The following LRMDA variants were observed in gnomAD, a reference collection of about 807,000 sequenced individuals.
The protein encoded by LRMDA is leucine rich melanocyte differentiation associated.
In LRMDA, 18 loss-of-function variants were observed where a neutral mutation model predicts 29.8. That is an observed-to-expected ratio of 0.60 (90% CI 0.42 to 0.90). The LOEUF is 0.90. LRMDA is among the 40% of genes least tolerant of loss of function. The probability of loss-of-function intolerance (pLI) is 0.00; values close to 1 mark genes in which losing one functional copy is unlikely to be tolerated. For synonymous variants in LRMDA, 125 were observed against 109.4 expected (o/e 1.14, Z -0.89); for missense variants, 273 against 273.9 (o/e 1.00, Z 0.02).
At chr10:75,826,618 T>C (rs1844250790) in intron 2 of LRMDA, among the ~76,000 whole-genome samples, 1 of 152,222 alleles carries the variant, frequency 6.6e-6, no homozygotes, top group Non-Finnish European at 1.5e-5. Flanking sequence ...GCAGCAGTTT[T>C]ATATGTGGGC....
At chr10:75,792,132 G>A (rs1056573444) in intron 2 of LRMDA, among the ~76,000 whole-genome samples, 4 of 151,970 alleles carry the variant, frequency 2.6e-5, no homozygotes, top group East Asian at 1.9e-4. Flanking sequence ...TGCTGCGGGC[G>A]TGAGCCACCT....
At chr10:76,229,409 A>G (rs1221750753) in intron 5 of LRMDA, among the ~76,000 whole-genome samples, 1 of 152,230 alleles carries the variant, frequency 6.6e-6, no homozygotes, top group Non-Finnish European at 1.5e-5. Context: ...CATCAAGAAC[A>G]GATGATGTCC....
rs989847278 is a variant in LRMDA at position 76,091,321 on chromosome 10, G to A, written c.516+32538G>A. On this transcript the variant is annotated intron_variant, in intron 5 of 6. Transcript: ENST00000611255. ...TGTGTGTGTGTGTGTGTGTGTGTCT[G>A]TGTGTAAAATCTTTGTATACATGGT... 2.1e-5 allele frequency among the ~76,000 whole-genome samples: 3 copies of A among 145,332 alleles called. No homozygotes were observed. The Admixed American group carries it at 2.1e-4, about 10-fold the overall frequency.
intron 2 of LRMDA, among the ~76,000 whole-genome samples, chr10:75,536,532 A>ATGTGTG (rs1839950192): frequency 6.6e-6 from 1 of 152,070 alleles, no homozygotes; most frequent in Non-Finnish European, 1.5e-5. Context: ...TTTGGGGTAT[A>ATGTGTG]TGTGTTCCTG....
At chr10:76,141,951 G>A (rs1850209915) in intron 5 of LRMDA, among the ~76,000 whole-genome samples, 1 of 152,000 alleles carries the variant, frequency 6.6e-6, no homozygotes, top group Non-Finnish European at 1.5e-5. Flanking sequence ...TTTGAATCGT[G>A]GATGCATTTA....
rs5786188 is a variant in LRMDA, at chr10:75,791,856, C to CTT, written c.132-244132_132-244131dup. Among the ~76,000 whole-genome samples, 374 of 102,052 alleles carry CTT rather than the reference C, an allele frequency of 3.7e-3. 7 individuals are homozygous for CTT. The highest frequency in any genetic ancestry group is 5.1e-3 in the South Asian group (12 of 2,342). 67.0% of individuals were successfully genotyped at this position (102,052 alleles called of 152,430 possible). On this transcript the variant is annotated intron_variant, in intron 2 of 6. Transcript: ENST00000611255. Reference sequence around the variant, plus strand: ...CAAGTTGATTTTGGGATTCCAGGATCTTTTTTTTTTTTTTTTTTTTTGAGA... The same window carrying CTT: ...CAAGTTGATTTTGGGATTCCAGGATCTTTTTTTTTTTTTTTTTTTTTTTGAGA...
At chr10:75,943,189 AG>A (rs1846424374) in intron 2 of LRMDA, among the ~76,000 whole-genome samples, 1 of 151,174 alleles carries the variant, frequency 6.6e-6, no homozygotes, top group Non-Finnish European at 1.5e-5. Context: ...AAGGACTATG[AG>A]ATAGAATCTT....
At chr10:76,193,142 C>T (rs768624235) in intron 5 of LRMDA, among the ~76,000 whole-genome samples, 5 of 152,186 alleles carry the variant, frequency 3.3e-5, no homozygotes, top group East Asian at 1.9e-4. Context: ...GTACATGTGT[C>T]GGAGTTTCCT....
rs186986196 is a variant in LRMDA, at chr10:76,218,878, C to T, written c.517-105523C>T. Among the ~76,000 whole-genome samples the T allele has an allele frequency of 2.8e-3, 420 of 152,296 alleles. 3 individuals are homozygous for T. Among genetic ancestry groups the T allele is most frequent in the Middle Eastern group, 0.01 (3 of 294 alleles). ...CTTGTGGGTTGGTGTTAGACACAGT[C>T]CCATGGGGAGCAGCCAGTGTGATAG... On this transcript the variant is annotated intron_variant, in intron 5 of 6. Coordinates refer to ENST00000611255, the MANE Select transcript of LRMDA (RefSeq NM_001305581.2).
intron 5 of LRMDA, among the ~76,000 whole-genome samples, chr10:76,259,126 GTTAT>G (rs1839903065): frequency 6.6e-6 from 1 of 151,946 alleles, no homozygotes. Flanking sequence ...ACCAACATTT[GTTAT>G]TTTTTATCTT....
intron 2 of LRMDA, among the ~76,000 whole-genome samples, chr10:75,965,302 T>C (rs1163827583): frequency 6.6e-6 from 1 of 152,160 alleles, no homozygotes; most frequent in Non-Finnish European, 1.5e-5. Flanking sequence ...TTATTAGTAA[T>C]CTTACTGAGT....
chr10:75,638,738 T>G (rs1589142750), intron 2 of LRMDA, among the ~76,000 whole-genome samples: 1 of 152,214 alleles, frequency 6.6e-6, no homozygotes, highest in African/African-American at 2.4e-5. Flanking sequence ...AATATAAATA[T>G]GTTTAAATTA....
At chr10:75,703,295 A>T (rs946561796) in intron 2 of LRMDA, among the ~76,000 whole-genome samples, 2 of 152,234 alleles carry the variant, frequency 1.3e-5, no homozygotes, top group African/African-American at 4.8e-5. Flanking sequence ...TGGGGGACGC[A>T]AGCGTCATAT....
At chr10:75,645,638 G>T (rs1841509812) in intron 2 of LRMDA, among the ~76,000 whole-genome samples, 1 of 152,146 alleles carries the variant, frequency 6.6e-6, no homozygotes, top group Non-Finnish European at 1.5e-5. Context: ...CCTGGTGGGG[G>T]AAACTTGACT....
intron 2 of LRMDA, among the ~76,000 whole-genome samples, chr10:75,825,494 C>T (rs1186922038): frequency 6.6e-6 from 1 of 152,110 alleles, no homozygotes; most frequent in Non-Finnish European, 1.5e-5. Flanking sequence ...AAGACGTGCT[C>T]ATTTTTTATG....
rs116856513 is a variant in LRMDA, at chr10:75,700,235, T to G, written c.131+261741T>G. ...TTAAAGTCAAGTTTTAAACTGAAAT[T>G]AGAATTAAACCTTTGTGTGAGTTTT... On this transcript the variant is annotated intron_variant, in intron 2 of 6. Transcript: ENST00000611255. Among the ~76,000 whole-genome samples, 578 of 150,674 alleles carry G rather than the reference T, an allele frequency of 3.8e-3. 5 individuals carry two copies. Among genetic ancestry groups the G allele is most frequent in the East Asian group, 0.025 (129 of 5,150 alleles).
At chr10:75,646,772 C>A (rs1005630890) in intron 2 of LRMDA, among the ~76,000 whole-genome samples, 3 of 151,926 alleles carry the variant, frequency 2.0e-5, no homozygotes, top group Non-Finnish European at 2.9e-5. Flanking sequence ...CAGACGAGTG[C>A]GAATTGGGAT....
At chr10:76,342,198 C>T (rs1472200201) in intron 6 of LRMDA, among the ~76,000 whole-genome samples, 2 of 152,014 alleles carry the variant, frequency 1.3e-5, no homozygotes, top group African/African-American at 4.8e-5. Context: ...CAAAAAAGCC[C>T]TCTACCCAGA....
intron 6 of LRMDA, among the ~76,000 whole-genome samples, chr10:76,444,677 C>T (rs764046016): frequency 1.8e-4 from 27 of 152,052 alleles, no homozygotes; most frequent in African/African-American, 5.8e-4. Context: ...CACACGTTGA[C>T]GAATGCAAGA....
Sources: gnomAD v4.1 joint callset for allele counts (sites outside exome capture counted in the v4.1 genomes callset) on GRCh38, gnomAD v4.1.1 for gene constraint, MANE v1.5 for transcripts, NCBI Gene and HGNC (gene_info 2026-07-23, HGNC 2026-07-21) for gene names.